Variants in ROBO2 observed in about 807,000 individuals in gnomAD.
The protein encoded by ROBO2 is roundabout guidance receptor 2, also known as roundabout homolog 2.
In ROBO2, 53 loss-of-function variants were observed where a neutral mutation model predicts 160.8. The ratio of observed to expected loss-of-function variants is 0.33; its 90% CI spans 0.26 to 0.41. ROBO2 has a LOEUF of 0.41. ROBO2 is among the 10% of genes least tolerant of loss of function. The pLI is 1.00. For synonymous variants in ROBO2, 664 were observed against 611.7 expected (o/e 1.09, Z -1.26); for missense variants, 1,577 against 1,722.4 (o/e 0.92, Z 1.49).
intron 7 of ROBO2, among the ~76,000 whole-genome samples, chr3:77,548,883 A>G (rs2092804674): frequency 6.6e-6 from 1 of 151,954 alleles, no homozygotes; most frequent in East Asian, 1.9e-4. Flanking sequence ...AGCAAATTAT[A>G]AATTCTCAAA....
At chr3:75,998,682 C>T (rs2065796781) in intron 2 of ROBO2, among the ~76,000 whole-genome samples, 1 of 152,152 alleles carries the variant, frequency 6.6e-6, no homozygotes, top group African/African-American at 2.4e-5. Flanking sequence ...GTATCCCTCT[C>T]CATGCACAGA....
At chr3:76,814,054 G>A (rs1219291091) in intron 2 of ROBO2, among the ~76,000 whole-genome samples, 3 of 151,808 alleles carry the variant, frequency 2.0e-5, no homozygotes, top group Non-Finnish European at 4.4e-5. Flanking sequence ...CATTATAATC[G>A]GAACATATAA....
At chr3:76,698,336 G>C (rs987953280) in intron 2 of ROBO2, among the ~76,000 whole-genome samples, 1 of 152,188 alleles carries the variant, frequency 6.6e-6, no homozygotes, top group Non-Finnish European at 1.5e-5. Flanking sequence ...CTGTGGCTCT[G>C]TTCAGAGAAA....
At chr3:76,101,611 A>G (rs2069684720) in intron 2 of ROBO2, among the ~76,000 whole-genome samples, 1 of 151,980 alleles carries the variant, frequency 6.6e-6, no homozygotes, top group Non-Finnish European at 1.5e-5. Context: ...GGTTTGTCAC[A>G]TACGTATACA....
At chr3:76,244,535 G>C (rs1705498899) in intron 2 of ROBO2, among the ~76,000 whole-genome samples, 1 of 151,922 alleles carries the variant, frequency 6.6e-6, no homozygotes, top group African/African-American at 2.4e-5. Context: ...GTCCTGGGCA[G>C]TTCAGGCTTA....
rs1011010507 is a variant in ROBO2, at chr3:76,518,211, C to T, written c.110-579803C>T. On this transcript the variant is annotated intron_variant, in intron 2 of 26. Transcript: ENST00000487694. Reference sequence around the variant, plus strand: ...GCAGTCCACAAGAGGCATGGAAGCGCACCAGTATGACCTGAAGGACCCAGG... The same window carrying T: ...GCAGTCCACAAGAGGCATGGAAGCGTACCAGTATGACCTGAAGGACCCAGG... 2.0e-5 allele frequency among the ~76,000 whole-genome samples: 3 copies of T among 152,136 alleles called. No homozygotes were observed. In the East Asian group the frequency reaches 5.8e-4, roughly 29 times the overall value.
chr3:76,586,802 TA>T (rs2086067798), intron 2 of ROBO2, among the ~76,000 whole-genome samples: 1 of 152,118 alleles, frequency 6.6e-6, no homozygotes, highest in South Asian at 2.1e-4. Flanking sequence ...GTGCACTAAT[TA>T]AAAAAGGAGT....
intron 2 of ROBO2, among the ~76,000 whole-genome samples, chr3:76,945,270 A>T (rs1335760926): frequency 1.3e-5 from 2 of 152,094 alleles, no homozygotes; most frequent in East Asian, 3.9e-4. Context: ...CATTTAATGA[A>T]TGTTAATTAT....
In ROBO2 at chr3:76,548,783, A is replaced by G. The variant is rs114602326; in HGVS notation, c.110-549231A>G. Among the ~76,000 whole-genome samples the G allele has an allele frequency of 9.5e-3, 1,448 of 152,098 alleles. 22 individuals are homozygous for G. The highest frequency in any genetic ancestry group is 0.028 in the African/African-American group (1,182 of 41,488). ...GAAATCGAAATCAGGTGAAAGAGGG[A>G]CGCTAATGACAATGGAAAGATGAAT... On this transcript the variant is annotated intron_variant, in intron 2 of 26. Coordinates refer to the ROBO2 transcript ENST00000487694.
intron 2 of ROBO2, among the ~76,000 whole-genome samples, chr3:76,890,632 C>T (rs532384537): frequency 3.8e-4 from 58 of 152,126 alleles, no homozygotes; most frequent in Non-Finnish European, 6.9e-4. Context: ...ATGGTGAATC[C>T]AATAATTTTT....
chr3:75,926,500 G>A (rs1310089313), intron 1 of ROBO2, among the ~76,000 whole-genome samples: 2 of 152,168 alleles, frequency 1.3e-5, no homozygotes, highest in East Asian at 3.9e-4. Flanking sequence ...CCCTCTAGAA[G>A]GTTTAAAAAA....
chr3:77,089,417 A>G (rs1462525917), intron 1 of ROBO2, among the ~76,000 whole-genome samples: 2 of 152,176 alleles, frequency 1.3e-5, no homozygotes, highest in Middle Eastern at 3.2e-3. Context: ...TACAACTGGA[A>G]ACTTTCAGAA....
At chr3:76,960,613 G>A (rs552491434) in intron 2 of ROBO2, among the ~76,000 whole-genome samples, 1 of 152,148 alleles carries the variant, frequency 6.6e-6, no homozygotes, top group African/African-American at 2.4e-5. Flanking sequence ...TATACTTGGA[G>A]GTGAAACCTC....
intron 2 of ROBO2, among the ~76,000 whole-genome samples, chr3:76,848,495 C>T (rs1041742326): frequency 1.3e-5 from 2 of 152,144 alleles, no homozygotes; most frequent in African/African-American, 2.4e-5. Context: ...AGAAACCCAC[C>T]GCTACCTCTG....
At chr3:75,907,710 A>G (rs1404120842) in intron 1 of ROBO2, among the ~76,000 whole-genome samples, 2 of 152,234 alleles carry the variant, frequency 1.3e-5, no homozygotes, top group Non-Finnish European at 2.9e-5. Context: ...TAACACTGAG[A>G]GAAAGGCAAC....
At chr3:77,205,635 T>C (rs2083362219) in intron 2 of ROBO2, among the ~76,000 whole-genome samples, 1 of 152,148 alleles carries the variant, frequency 6.6e-6, no homozygotes, top group Non-Finnish European at 1.5e-5. Flanking sequence ...CTTCCTCTTC[T>C]ACCGTATTTC....
intron 2 of ROBO2, among the ~76,000 whole-genome samples, chr3:76,295,656 A>G (rs1378429407): frequency 1.3e-5 from 2 of 152,116 alleles, no homozygotes; most frequent in African/African-American, 2.4e-5. Context: ...TAATAACTTG[A>G]TAGAAAAGGG....
intron 2 of ROBO2, among the ~76,000 whole-genome samples, chr3:77,469,948 A>G (rs1172712414): frequency 1.3e-5 from 2 of 152,188 alleles, no homozygotes; most frequent in Non-Finnish European, 1.5e-5. Flanking sequence ...GTAGATAAGG[A>G]AAGACTTCAG....
At chr3:76,114,557 T>C (rs946040040) in intron 2 of ROBO2, among the ~76,000 whole-genome samples, 1 of 152,154 alleles carries the variant, frequency 6.6e-6, no homozygotes, top group African/African-American at 2.4e-5. Flanking sequence ...AAGGCCCTGA[T>C]ATAATTATTA....
Sources: allele counts gnomAD v4.1 joint callset (sites outside exome capture counted in the v4.1 genomes callset), GRCh38; gene constraint gnomAD v4.1.1; transcripts MANE v1.5; gene names NCBI Gene and HGNC (gene_info 2026-07-23, HGNC 2026-07-21).